CCDC28A: variants seen among roughly 807,000 people sequenced by gnomAD.
CCDC28A encodes coiled-coil domain containing 28A.
A neutral mutation model predicts 22.1 loss-of-function variants in CCDC28A; 24 were observed. The ratio of observed to expected loss-of-function variants is 1.09; its 90% CI spans 0.79 to 1.53. The LOEUF (loss-of-function observed/expected upper bound fraction) is 1.53, where lower values mean the gene tolerates loss of function less well. Among genes scored for constraint, CCDC28A ranks in the 40% most tolerant of loss-of-function variants. The pLI is 0.00. For missense variants in CCDC28A, 170 were observed against 210.7 expected (o/e 0.81, Z 1.20); for synonymous variants, 83 against 74.7 (o/e 1.11, Z -0.57).
At position 138,785,230 on chromosome 6, in the gene CCDC28A, A is replaced by T. The variant is rs1405000998; in HGVS notation, c.326A>T (p.Asn109Ile). ...AATGTTCTGGAATGTTCCCAAGGAA[A>T]TGAATGTTCCATTGAACAGATGGAA... The part of the protein sequence containing the change: ...FHSGKLQAFG[N>I]ECSIEQMEHV... The change falls in exon 4 of 6, where the codon AAT becomes ATT. Residue 109 changes from asparagine to isoleucine, a missense_variant. Coordinates refer to ENST00000617445, the MANE Select transcript of CCDC28A (RefSeq NM_015439.3). 3 of 1,612,124 alleles carry T rather than the reference A, an allele frequency of 1.9e-6. No individual in the cohort carries two copies. Among genetic ancestry groups the T allele is most frequent in the Non-Finnish European group, 2.5e-6 (3 of 1,178,474 alleles).
intron 4 of CCDC28A, among the ~76,000 whole-genome samples, chr6:138,787,596 T>G (rs576364113): frequency 6.6e-6 from 1 of 152,236 alleles, no homozygotes; most frequent in Admixed American, 6.5e-5. Context: ...CAATTTTTTT[T>G]CTTTTAAAAA....
At chr6:138,785,834 T>C (rs1398915322) in intron 4 of CCDC28A, among the ~76,000 whole-genome samples, 5 of 152,194 alleles carry the variant, frequency 3.3e-5, no homozygotes, top group South Asian at 4.1e-4. Context: ...TGTACAGATA[T>C]AATAAAATCT....
At chr6:138,785,077 T>C in intron 3 of CCDC28A, 150 bp from the exon 4 acceptor site, 1 of 493,230 alleles carries the variant, frequency 2.0e-6, no homozygotes, top group Non-Finnish European at 3.5e-6. Context: ...ATTTGATTTG[T>C]TATTAAACAC....
At chr6:138,791,225 A>T (rs1775163951) in intron 5 of CCDC28A, among the ~76,000 whole-genome samples, 1 of 151,538 alleles carries the variant, frequency 6.6e-6, no homozygotes, top group Non-Finnish European at 1.5e-5. Flanking sequence ...CTGGGACTAC[A>T]GGTGTACGTT....
rs561994234 is a variant in CCDC28A, at chr6:138,780,737, A to G, written c.322+752A>G. On this transcript the variant is annotated intron_variant, in intron 3 of 5. Coordinates refer to ENST00000617445, the MANE Select transcript of CCDC28A (RefSeq NM_015439.3). The stretch of plus-strand genomic sequence containing the variant: ...CTACAGCCATGTGCCACGGCCAGCT[A>G]ATTTTTTGTATTTTTACTAGAGACG... 4.6e-5 allele frequency among the ~76,000 whole-genome samples: 7 copies of G among 151,814 alleles called. No homozygotes were observed. In the South Asian group the frequency reaches 1.3e-3, roughly 27 times the overall value.
chr6:138,785,715 T>G (rs1302780707), intron 4 of CCDC28A, among the ~76,000 whole-genome samples: 2 of 152,242 alleles, frequency 1.3e-5, no homozygotes, highest in African/African-American at 2.4e-5. Context: ...GTAAAAACTT[T>G]ACTCTTTTTT....
intron 5 of CCDC28A, among the ~76,000 whole-genome samples, chr6:138,789,007 A>G (rs1040019088): frequency 4.6e-5 from 7 of 152,186 alleles, no homozygotes; most frequent in African/African-American, 1.7e-4. Context: ...AAAACTAGAC[A>G]TTAAAATGCA....
chr6:138,790,183 C>T (rs867050668), intron 5 of CCDC28A, among the ~76,000 whole-genome samples: 52 of 152,170 alleles, frequency 3.4e-4, no homozygotes, highest in African/African-American at 1.1e-3. Context: ...AGACGGGTCT[C>T]GCCCTGTCGC....
rs932140578 is a variant in CCDC28A at position 138,782,477 on chromosome 6, A to G, written c.322+2492A>G. Among the ~76,000 whole-genome samples, 7 of 151,506 alleles carry G rather than the reference A, an allele frequency of 4.6e-5. No individual in the cohort carries two copies. The East Asian group carries it at 7.7e-4, about 17-fold the overall frequency. On this transcript the variant is annotated intron_variant, in intron 3 of 5. Transcript: ENST00000617445. The stretch of plus-strand genomic sequence containing the variant: ...TTCTATTGTTTATTATTTTTCTTCC[A>G]TCTCTTCCTTTTTAGCCTCTGAAGC...
At chr6:138,792,590 C>G (rs1291706757) in intron 5 of CCDC28A, among the ~76,000 whole-genome samples, 159 bp from the exon 6 acceptor site, 1 of 151,904 alleles carries the variant, frequency 6.6e-6, no homozygotes, top group African/African-American at 2.4e-5. Flanking sequence ...TAAAAGTTGT[C>G]TTACCACATC....
rs78454813 is a variant in CCDC28A, at chr6:138,787,532, G to A, written c.478-834G>A. On this transcript the variant is annotated intron_variant, in intron 4 of 5. Coordinates refer to ENST00000617445, the MANE Select transcript of CCDC28A (RefSeq NM_015439.3). ...TACCTCATATAGAAAATTGAGTGAC[G>A]TGAAATCTTTTTGTAATCTATGATG... Among the ~76,000 whole-genome samples the A allele has an allele frequency of 1.6e-3, 245 of 152,314 alleles. 1 individual carries two copies. Among genetic ancestry groups the A allele is most frequent in the African/African-American group, 5.3e-3 (222 of 41,578 alleles).
intron 3 of CCDC28A, among the ~76,000 whole-genome samples, chr6:138,781,629 T>G (rs1775022233): frequency 6.6e-6 from 1 of 152,260 alleles, no homozygotes; most frequent in African/African-American, 2.4e-5. Flanking sequence ...AAGTGAGATG[T>G]CTTTTATTAC....
In CCDC28A at chr6:138,773,890, C is replaced by A. The variant is rs775293748; in HGVS notation, c.-55C>A. 5 of 1,613,192 alleles carry A rather than the reference C, an allele frequency of 3.1e-6. No individual in the cohort carries two copies. In the East Asian group the frequency reaches 1.1e-4, roughly 36 times the overall value. On this transcript the variant is annotated 5_prime_UTR_variant, in exon 1 of 6. Coordinates refer to ENST00000617445, the MANE Select transcript of CCDC28A (RefSeq NM_015439.3). ...GGGTTGCGGAAGGGGGCCCCAATAC[C>A]CTTCTTCTTCAGGTATGTAGTGGAA... is the stretch of plus-strand genomic sequence containing the variant.
chr6:138,775,998 AC>A (rs149236541), intron 1 of CCDC28A, 80 bp from the exon 2 acceptor site: 41,677 of 1,161,540 alleles, frequency 0.036, 918 homozygotes, highest in Admixed American at 0.042. Context: ...TCCTCTTTTG[AC>A]CCTGTGAAAT....
intron 2 of CCDC28A, among the ~76,000 whole-genome samples, chr6:138,776,770 C>T (rs1053567221): frequency 1.3e-5 from 2 of 152,036 alleles, no homozygotes; most frequent in African/African-American, 4.8e-5. Context: ...CCTCCTGCCT[C>T]AGTCTTCTGA....
At chr6:138,779,686 G>T in intron 2 of CCDC28A, 136 bp from the exon 3 acceptor site, 1 of 504,418 alleles carries the variant, frequency 2.0e-6, no homozygotes, top group Non-Finnish European at 3.3e-6. Context: ...TTCTGGCTTG[G>T]AGTTTCTGGT....
rs770947119 is a variant in CCDC28A at position 138,773,811 on chromosome 6, C to T, written c.-134C>T. 3.7e-6 allele frequency: 6 copies of T among 1,614,056 alleles called. No individual in the cohort carries two copies. In the African/African-American group the frequency reaches 6.7e-5, roughly 18 times the overall value. ...CGGAGGAGCGGGTCCCGGGATGTGA[C>T]CGGGGCTCTGCTTGTGGCTGCGGCG... On this transcript the variant is annotated 5_prime_UTR_variant, in exon 1 of 6. Coordinates refer to ENST00000617445, the MANE Select transcript of CCDC28A (RefSeq NM_015439.3).
At chr6:138,780,472 AT>A (rs1774998622) in intron 3 of CCDC28A, among the ~76,000 whole-genome samples, 1 of 151,010 alleles carries the variant, frequency 6.6e-6, no homozygotes, top group Admixed American at 6.6e-5. Flanking sequence ...CTGAATAGGT[AT>A]TTTTTCGTAG....
intron 4 of CCDC28A, among the ~76,000 whole-genome samples, chr6:138,787,727 G>GTTA (rs1775113777): frequency 6.6e-6 from 1 of 151,866 alleles, no homozygotes; most frequent in African/African-American, 2.4e-5. Flanking sequence ...ACAGGGTTTT[G>GTTA]TTATGTTGCT....
Sources: gnomAD v4.1 joint callset for allele counts (sites outside exome capture counted in the v4.1 genomes callset) on GRCh38, gnomAD v4.1.1 for gene constraint, MANE v1.5 for transcripts, NCBI Gene and HGNC (gene_info 2026-07-23, HGNC 2026-07-21) for gene names.